The following MYO5B variants were observed in gnomAD, a reference collection of about 807,000 sequenced individuals.
MYO5B encodes myosin VB, also known as unconventional myosin-Vb.
MYO5B carries 143 observed loss-of-function variants against 229.3 expected under a neutral mutation model. That is an observed-to-expected ratio of 0.62 (90% CI 0.54 to 0.72). MYO5B has a LOEUF of 0.72. Ranked by LOEUF, MYO5B falls within the 30% of genes least tolerant of loss-of-function variation. The probability of loss-of-function intolerance (pLI) is 0.00; values close to 1 mark genes in which losing one functional copy is unlikely to be tolerated. For synonymous variants in MYO5B, 918 were observed against 885.2 expected (o/e 1.04, Z -0.66); for missense variants, 2,321 against 2,331.0 (o/e 1.00, Z 0.09).
chr18:49,879,450 T>A (rs111688253), intron 23 of MYO5B: 6,447 of 354,042 alleles, frequency 0.018, 110 homozygotes, highest in South Asian at 0.039. Context: ...TTCCTAGTCC[T>A]GATCTTTCAG....
At chr18:50,017,679 C>T (rs2026230643) in intron 4 of MYO5B, among the ~76,000 whole-genome samples, 1 of 152,096 alleles carries the variant, frequency 6.6e-6, no homozygotes, top group Admixed American at 6.5e-5. Context: ...ATAATAGTAG[C>T]TTTGTGAATT....
chr18:50,005,220 G>A (rs1598946541), intron 4 of MYO5B, among the ~76,000 whole-genome samples: 2 of 152,104 alleles, frequency 1.3e-5, no homozygotes, highest in African/African-American at 2.4e-5. Context: ...ACCCTTCCAC[G>A]ATGCATACTC....
At chr18:49,943,968 A>G (rs1413777733) in intron 14 of MYO5B, among the ~76,000 whole-genome samples, 1 of 152,170 alleles carries the variant, frequency 6.6e-6, no homozygotes, top group Non-Finnish European at 1.5e-5. Flanking sequence ...GCACCTATGA[A>G]GGAGCTCTGT....
chr18:49,953,271 T>C lies in MYO5B; in HGVS notation c.1741A>G (p.Lys581Glu). ...CTGACACTCTTTACCTTGCTGGCCT[T>C]CAGGATATTGATCTGCTCTTCATAC... ...TVYEEQINILKASKFPLVADL... is the reference protein window; with the variant it reads ...TVYEEQINILEASKFPLVADL... Residue 581 changes from lysine (K) to glutamate (E), a missense_variant, in exon 14 of 40, where the codon AAG (lysine) becomes GAG (glutamate). By Grantham distance (56) the Lys-to-Glu change is moderately conservative. Around this residue, in one of 2 missense-constraint regions of MYO5B, gnomAD observed 2,113 missense variants for 2,044.7 expected, o/e 1.03. Transcript: ENST00000285039. The C allele has an allele frequency of 6.2e-7, 1 of 1,614,140 alleles. No homozygotes were observed. The highest frequency in any genetic ancestry group is 1.1e-5 in the South Asian group (1 of 91,068).
At chr18:49,874,738 G>C (rs555196173) in intron 26 of MYO5B, among the ~76,000 whole-genome samples, 3 of 152,100 alleles carry the variant, frequency 2.0e-5, no homozygotes, top group Admixed American at 6.5e-5. Flanking sequence ...CATACCAAAG[G>C]CCTTTTTCAA....
intron 1 of MYO5B, among the ~76,000 whole-genome samples, chr18:50,099,402 A>C (rs1257443716): frequency 6.6e-6 from 1 of 152,200 alleles, no homozygotes; most frequent in Non-Finnish European, 1.5e-5. Context: ...ACTGTGCTTC[A>C]AGGATACTTA....
intron 4 of MYO5B, among the ~76,000 whole-genome samples, chr18:50,033,767 C>G (rs1568079035): frequency 6.6e-6 from 1 of 152,140 alleles, no homozygotes; most frequent in East Asian, 1.9e-4. Flanking sequence ...TTAACACCCC[C>G]TTTTTCTTCA....
chr18:50,020,412 TGGG>T (rs2026261611), intron 4 of MYO5B, among the ~76,000 whole-genome samples: 1 of 152,204 alleles, frequency 6.6e-6, no homozygotes, highest in Non-Finnish European at 1.5e-5. Context: ...CCCCTTAAGA[TGGG>T]AAGAACTCTG....
intron 9 of MYO5B, among the ~76,000 whole-genome samples, chr18:49,979,146 T>C (rs576256289): frequency 7.9e-5 from 12 of 152,284 alleles, no homozygotes; most frequent in African/African-American, 9.6e-5. Context: ...CCTCTGAACA[T>C]GACAGTCCTT....
chr18:49,873,240 G>A (rs2024476779), intron 26 of MYO5B, among the ~76,000 whole-genome samples: 2 of 152,246 alleles, frequency 1.3e-5, no homozygotes, highest in Non-Finnish European at 2.9e-5. Flanking sequence ...GGTAGAAACA[G>A]CTTCATAAAT....
chr18:49,905,511 T>TA (rs1328432424), intron 19 of MYO5B, among the ~76,000 whole-genome samples: 1 of 152,112 alleles, frequency 6.6e-6, no homozygotes. Flanking sequence ...TGTGAAATGC[T>TA]AAAAAAGACC....
chr18:49,875,111 A>C (rs1485767550), intron 26 of MYO5B, among the ~76,000 whole-genome samples: 1 of 152,164 alleles, frequency 6.6e-6, no homozygotes, highest in Non-Finnish European at 1.5e-5. Context: ...CATAGTTCTG[A>C]ATGCAGCATG....
At chr18:49,889,574 T>C (rs139026215) in intron 22 of MYO5B, among the ~76,000 whole-genome samples, 5 of 152,222 alleles carry the variant, frequency 3.3e-5, no homozygotes, top group African/African-American at 9.6e-5. Flanking sequence ...GACCTTACCA[T>C]GGAGCAAAAC....
chr18:50,046,879 T>C (rs1309464857), intron 2 of MYO5B, among the ~76,000 whole-genome samples: 1 of 152,198 alleles, frequency 6.6e-6, no homozygotes, highest in Non-Finnish European at 1.5e-5. Context: ...GAAAACTGGC[T>C]AGCCATATGT....
intron 7 of MYO5B, among the ~76,000 whole-genome samples, chr18:49,986,376 C>T (rs1024930847): frequency 5.9e-5 from 9 of 152,236 alleles, no homozygotes; most frequent in African/African-American, 2.2e-4. Context: ...AGAGACAGAA[C>T]TCAGCCCTAG....
intron 35 of MYO5B, chr18:49,840,221 A>C (rs1304559617): frequency 6.6e-6 from 1 of 152,238 alleles, no homozygotes; most frequent in Non-Finnish European, 1.5e-5. Flanking sequence ...CATTGGGTAA[A>C]GTGATGGACC....
At chr18:50,057,881 A>C (rs1449495817) in intron 1 of MYO5B, among the ~76,000 whole-genome samples, 2 of 152,104 alleles carry the variant, frequency 1.3e-5, no homozygotes, top group African/African-American at 4.8e-5. Context: ...TCCTCATACT[A>C]ACTACTTACT....
At chr18:49,971,980 AG>A (rs911409166) in intron 10 of MYO5B, among the ~76,000 whole-genome samples, 16 of 152,228 alleles carry the variant, frequency 1.1e-4, no homozygotes, top group African/African-American at 3.9e-4. Flanking sequence ...GAAAGCACAA[AG>A]GGTAGGAAAA....
chr18:50,058,231 C>G (rs569026449), intron 1 of MYO5B, among the ~76,000 whole-genome samples: 3 of 152,058 alleles, frequency 2.0e-5, no homozygotes, highest in Non-Finnish European at 4.4e-5. Context: ...CTTTGGGAGC[C>G]GAGGCAGGTA....
Sources: gnomAD v4.1 joint callset for allele counts (sites outside exome capture counted in the v4.1 genomes callset) on GRCh38, gnomAD v4.1.1 for gene constraint, gnomAD v4.1.1 regional missense constraint, MANE v1.5 for transcripts, NCBI Gene and HGNC (gene_info 2026-07-23, HGNC 2026-07-21) for gene names.